SRSF4: variants seen among roughly 807,000 people sequenced by gnomAD.
SRSF4 encodes the protein serine and arginine rich splicing factor 4.
SRSF4 carries 12 observed loss-of-function variants against 48.8 expected under a neutral mutation model. That is an observed-to-expected ratio of 0.25 (90% CI 0.16 to 0.40). The LOEUF (loss-of-function observed/expected upper bound fraction) is 0.40. Ranked by LOEUF, SRSF4 falls within the 10% of genes least tolerant of loss-of-function variation. The pLI is 1.00. For synonymous variants in SRSF4, 248 were observed against 232.5 expected, an observed-to-expected ratio of 1.07 and a Z score of -0.61; for missense variants, 466 against 667.1, an observed-to-expected ratio of 0.70 and a Z score of 3.32.
intron 1 of SRSF4, among the ~76,000 whole-genome samples, chr1:29,167,573 C>T (rs759457291): frequency 2.0e-4 from 31 of 152,118 alleles, no homozygotes; most frequent in Admixed American, 6.5e-4. Context: ...TTAGTGGAGA[C>T]GGGGTTTCAC....
chr1:29,159,676 T>A (rs1672562616), intron 2 of SRSF4, 190 bp from the exon 3 acceptor site: 2 of 453,176 alleles, frequency 4.4e-6, no homozygotes, highest in Admixed American at 3.8e-5. Context: ...ACATTTAATT[T>A]AAAAAGTTGT....
intron 1 of SRSF4, among the ~76,000 whole-genome samples, chr1:29,174,149 A>G (rs2151824895): frequency 6.6e-6 from 1 of 151,706 alleles, no homozygotes; most frequent in South Asian, 2.1e-4. Flanking sequence ...AGATCATGCC[A>G]CTGCACTGCA....
chr1:29,175,768 CTTTAAT>C (rs1044445902), intron 1 of SRSF4, among the ~76,000 whole-genome samples: 3 of 143,506 alleles, frequency 2.1e-5, no homozygotes, highest in African/African-American at 5.1e-5. Flanking sequence ...AAGAGTGGGT[CTTTAAT>C]TTTAACTATA....
rs911031061 is a variant in SRSF4 at position 29,160,661 on chromosome 1, T to G, written c.108-144A>C. On this transcript the variant is annotated intron_variant, in intron 1 of 5. Transcript: ENST00000373795. The stretch of plus-strand genomic sequence containing the variant: ...GGATCAACTTTGTCTTCTCTTCAGG[T>G]GAAACCACTTTGCTTTGTGCCAACA... 4 of 860,540 alleles carry G rather than the reference T, an allele frequency of 4.6e-6. No individual in the cohort carries two copies. The African/African-American group carries it at 7.1e-5, about 15-fold the overall frequency. The allele number at this position is 860,540 out of a possible 1,614,324, so 53.3% of individuals were successfully genotyped here.
intron 4 of SRSF4, among the ~76,000 whole-genome samples, chr1:29,151,436 G>T (rs1279404674): frequency 6.6e-5 from 10 of 152,162 alleles, no homozygotes; most frequent in Non-Finnish European, 1.5e-5. Flanking sequence ...CGCAGAGGCT[G>T]CAATGAGCTG....
chr1:29,177,122 A>T (rs531776336), intron 1 of SRSF4, among the ~76,000 whole-genome samples: 1 of 152,342 alleles, frequency 6.6e-6, no homozygotes, highest in South Asian at 2.1e-4. Context: ...TTCACACTTT[A>T]CATGAAATGG....
chr1:29,169,187 G>A (rs1672712693), intron 1 of SRSF4: 1 of 152,152 alleles, frequency 6.6e-6, no homozygotes, highest in Non-Finnish European at 1.5e-5. Flanking sequence ...ACTGTCATCT[G>A]ACAGATCAAG....
intron 1 of SRSF4, among the ~76,000 whole-genome samples, chr1:29,163,386 T>C (rs887985750): frequency 6.6e-6 from 1 of 152,260 alleles, no homozygotes; most frequent in Non-Finnish European, 1.5e-5. Context: ...AGGCATCTGA[T>C]TGTCACTTCT....
At chr1:29,168,009 T>C (rs1057217692) in intron 1 of SRSF4, among the ~76,000 whole-genome samples, 3 of 119,022 alleles carry the variant, frequency 2.5e-5, no homozygotes, top group Non-Finnish European at 5.3e-5. Flanking sequence ...AAGGTTCTAA[T>C]TCCTTTTTTT....
At chr1:29,166,312 G>A (rs1416880308) in intron 1 of SRSF4, among the ~76,000 whole-genome samples, 1 of 152,162 alleles carries the variant, frequency 6.6e-6, no homozygotes, top group Non-Finnish European at 1.5e-5. Flanking sequence ...CTAAAAAAAC[G>A]GTAATTCTTG....
intron 1 of SRSF4, among the ~76,000 whole-genome samples, chr1:29,174,678 T>A (rs1431049893): frequency 6.8e-6 from 1 of 147,878 alleles, no homozygotes; most frequent in Non-Finnish European, 1.5e-5. Context: ...GAGATAGGTT[T>A]TTTTTTTTTT....
At position 29,178,244 on chromosome 1, in the gene SRSF4, C is replaced by T. The variant is rs186429308; in HGVS notation, c.107+3402G>A. 5.5e-3 allele frequency among the ~76,000 whole-genome samples: 837 copies of T among 152,184 alleles called. 9 individuals are homozygous for T. Among genetic ancestry groups the T allele is most frequent in the African/African-American group, 0.019 (789 of 41,510 alleles). On this transcript the variant is annotated intron_variant, in intron 1 of 5. Transcript: ENST00000373795. ...TTAATTCTAAACTTAACTTACAACC[C>T]TTCAGCCTAACATATCTACTGATAC...
chr1:29,166,316 A>T (rs1672668348), intron 1 of SRSF4, among the ~76,000 whole-genome samples: 1 of 152,190 alleles, frequency 6.6e-6, no homozygotes, highest in Admixed American at 6.5e-5. Context: ...AAAAACGGTA[A>T]TTCTTGCTGT....
intron 1 of SRSF4, among the ~76,000 whole-genome samples, chr1:29,168,140 G>A (rs1254991696): frequency 2.6e-5 from 4 of 151,346 alleles, no homozygotes; most frequent in Non-Finnish European, 4.4e-5. Flanking sequence ...TCAGCCTTTA[G>A]AGTGGCTGGG....
chr1:29,157,932 G>A lies in SRSF4; in HGVS notation c.363+1442C>T, dbSNP rs142536807. ...CGCCTGTAATCCCAGCACTTTAGGA[G>A]GCCAAGGCAGGTGGATCACTTGTGG... On this transcript the variant is annotated intron_variant, in intron 3 of 5. Transcript: ENST00000373795. Among the ~76,000 whole-genome samples, 967 of 152,278 alleles carry A rather than the reference G, an allele frequency of 6.4e-3. 5 individuals are homozygous for A. Among genetic ancestry groups the A allele is most frequent in the African/African-American group, 0.022 (909 of 41,550 alleles).
rs149500884 is a variant in SRSF4 at position 29,149,115 on chromosome 1, A to G, written c.780T>C (p.His260=). ...TCTTGCTGCGGCTCTTGCCAGCGCT[A>G]TGGCTGCGGCTGCGGCTCTTTTCCT... is the stretch of plus-strand genomic sequence containing the variant. ...PSKEKSRSRS[H]SAGKSRSKSK... The change falls in exon 6 of 6, where the codon CAT becomes CAC. Residue 260 remains histidine, a synonymous_variant. Transcript: ENST00000373795. The G allele has an allele frequency of 2.0e-4, 318 of 1,608,058 alleles. No homozygotes were observed. The African/African-American group carries it at 3.8e-3, about 19-fold the overall frequency.
At chr1:29,161,637 C>T (rs1244774755) in intron 1 of SRSF4, among the ~76,000 whole-genome samples, 3 of 152,198 alleles carry the variant, frequency 2.0e-5, no homozygotes, top group Admixed American at 6.5e-5. Context: ...GTCTCGCTGT[C>T]GCCCAGGCTG....
intron 1 of SRSF4, chr1:29,171,056 A>G (rs753256039): frequency 6.6e-6 from 1 of 152,124 alleles, no homozygotes; most frequent in African/African-American, 2.4e-5. Flanking sequence ...CCTCACCTTC[A>G]GGGTACTATA....
chr1:29,149,218 G>A lies in SRSF4; in HGVS notation c.677C>T (p.Ser226Phe), dbSNP rs1672363702. 2 of 1,607,122 alleles carry A rather than the reference G, an allele frequency of 1.2e-6. No individual in the cohort carries two copies. Among genetic ancestry groups the A allele is most frequent in the Admixed American group, 1.7e-5 (1 of 59,890 alleles). The change falls in exon 6 of 6, where the codon TCC (serine) becomes TTC (phenylalanine). Residue 226 changes from serine to phenylalanine, a missense_variant. Ser to Phe is a radical substitution (Grantham distance 155). This residue lies in a region of SRSF4 where 402 missense variants were observed against 437.0 expected (regional missense o/e 0.92). Coordinates refer to ENST00000373795, the MANE Select transcript of SRSF4 (RefSeq NM_005626.5). Reference protein sequence around the residue: ...SKSRSRSRSGSRSRSKSRSRS... With the variant: ...SKSRSRSRSGFRSRSKSRSRS... ...GCTCCGGCTCTTGCTCCGGGAGCGG[G>A]AGCCCGACCTGAGGAGACATGGGAT...
Sources: gnomAD v4.1 joint callset for allele counts (sites outside exome capture counted in the v4.1 genomes callset) on GRCh38, gnomAD v4.1.1 for gene constraint, gnomAD v4.1.1 regional missense constraint, MANE v1.5 for transcripts, NCBI Gene and HGNC (gene_info 2026-07-23, HGNC 2026-07-21) for gene names.